Variants in TTBK2 observed in about 807,000 individuals in gnomAD.
TTBK2 encodes the protein tau-tubulin kinase 2.
Under a neutral mutation model 110.8 loss-of-function variants are expected in TTBK2, and 28 were observed. The observed-to-expected ratio is 0.25, with a 90% CI of 0.19 to 0.35. The LOEUF (loss-of-function observed/expected upper bound fraction) is 0.35, where lower values mean the gene tolerates loss of function less well. Among genes scored for constraint, TTBK2 ranks in the 10% least tolerant of loss-of-function variants. TTBK2 has a pLI of 1.00. For missense variants in TTBK2, 1,369 were observed against 1,500.3 expected (o/e 0.91, Z 1.45); for synonymous variants, 532 against 527.3 (o/e 1.01, Z -0.12).
intron 3 of TTBK2, among the ~76,000 whole-genome samples, chr15:42,866,041 A>G (rs7181859): frequency 0.24 from 36,298 of 152,110 alleles, 5,135 homozygotes; most frequent in African/African-American, 0.39. Context: ...AATAAAGTAA[A>G]TGGATGTAAA....
intron 4 of TTBK2, among the ~76,000 whole-genome samples, chr15:42,833,318 C>T (rs1892845575): frequency 1.4e-5 from 2 of 144,876 alleles, no homozygotes; most frequent in African/African-American, 2.5e-5. Flanking sequence ...GAAGCAAGTT[C>T]ATTTCTCTAT....
At chr15:42,919,801 G>C in intron 1 of TTBK2, 1 of 985,364 alleles carries the variant, frequency 1.0e-6, no homozygotes, top group Non-Finnish European at 1.2e-6. Context: ...CTTCGCTGTA[G>C]AATAAAGTAT....
chr15:42,898,394 A>T (rs1895753462), intron 1 of TTBK2, among the ~76,000 whole-genome samples: 1 of 151,994 alleles, frequency 6.6e-6, no homozygotes, highest in South Asian at 2.1e-4. Context: ...AAAATACAAA[A>T]AATAGCCAGT....
chr15:42,822,619 T>G (rs1300392636), intron 6 of TTBK2, among the ~76,000 whole-genome samples: 1 of 152,004 alleles, frequency 6.6e-6, no homozygotes, highest in Non-Finnish European at 1.5e-5. Context: ...GAAAAATAGG[T>G]TGAAGTCAGA....
chr15:42,807,304 A>G (rs1453594169), intron 9 of TTBK2, among the ~76,000 whole-genome samples: 1 of 152,146 alleles, frequency 6.6e-6, no homozygotes, highest in Non-Finnish European at 1.5e-5. Context: ...AACGGTGTGT[A>G]TATTTATGGA....
chr15:42,826,183 TTAG>T (rs1210659083), intron 6 of TTBK2, among the ~76,000 whole-genome samples: 1 of 152,140 alleles, frequency 6.6e-6, no homozygotes, highest in East Asian at 1.9e-4. Flanking sequence ...TGATTTTACA[TTAG>T]TAGAATATGA....
At chr15:42,840,226 A>G (rs2141014711) in intron 4 of TTBK2, 134 bp downstream of exon 4, 6 of 829,436 alleles carry the variant, frequency 7.2e-6, no homozygotes, top group Non-Finnish European at 1.2e-5. Context: ...CTGTTTAAAT[A>G]CAGTTCCATC....
In TTBK2 at chr15:42,745,117, T is replaced by C. The variant is rs78237254; in HGVS notation, c.*678A>G. 0.025 allele frequency: 3,749 copies of C among 152,576 alleles called. 163 individuals carry two copies. Among genetic ancestry groups the C allele is most frequent in the African/African-American group, 0.087 (3,567 of 40,996 alleles). 9.5% of individuals were successfully genotyped at this position (152,576 alleles called of 1,614,324 possible). A position where few individuals can be genotyped will look rare whatever the true frequency, so the allele number is the denominator to read the frequency against. The stretch of plus-strand genomic sequence containing the variant: ...GAACTCTTGCTCTAAAAAAAAAAAA[T>C]CAGGGGGACCTAAAAAAAAGTAATT... On this transcript the variant is annotated 3_prime_UTR_variant, in exon 15 of 15. Coordinates refer to ENST00000267890, the MANE Select transcript of TTBK2 (RefSeq NM_173500.4).
Position 42,839,570 on chromosome 15 carries a change from G to T in TTBK2, c.291+790C>A, listed in dbSNP as rs945196436. ...ACTAATTTATATTCCCACCAGCAGT[G>T]TATAAGTGTTTCCTTTTCACCACCA... On this transcript the variant is annotated intron_variant, in intron 4 of 14. Coordinates refer to ENST00000267890, the MANE Select transcript of TTBK2 (RefSeq NM_173500.4). Among the ~76,000 whole-genome samples the T allele has an allele frequency of 1.3e-5, 2 of 152,304 alleles. 1 individual carries two copies. The highest frequency in any genetic ancestry group is 1.3e-4 in the Admixed American group (2 of 15,298).
At chr15:42,771,893 A>T (rs1389515413) in intron 13 of TTBK2, among the ~76,000 whole-genome samples, 6 of 152,142 alleles carry the variant, frequency 3.9e-5, no homozygotes, top group African/African-American at 1.4e-4. Flanking sequence ...CTGACTCTTC[A>T]TGGATTCTCC....
intron 13 of TTBK2, among the ~76,000 whole-genome samples, chr15:42,763,851 A>C (rs1889227090): frequency 6.6e-6 from 1 of 152,178 alleles, no homozygotes; most frequent in Non-Finnish European, 1.5e-5. Context: ...TGAAAAGTAA[A>C]AGCTGCTTTT....
chr15:42,805,934 T>A (rs542081755), intron 9 of TTBK2, among the ~76,000 whole-genome samples: 9 of 152,348 alleles, frequency 5.9e-5, no homozygotes, highest in African/African-American at 1.9e-4. Flanking sequence ...ACTTGACTAA[T>A]GTATTATATG....
chr15:42,894,918 T>C (rs920070865), intron 1 of TTBK2, among the ~76,000 whole-genome samples: 10 of 152,228 alleles, frequency 6.6e-5, no homozygotes, highest in African/African-American at 2.4e-4. Context: ...TATTCAAAAA[T>C]CAATTCATGC....
In TTBK2 at chr15:42,834,195, A is replaced by AGGG. The variant is rs1187116010; in HGVS notation, c.292-4118_292-4117insCCC. On this transcript the variant is annotated intron_variant, in intron 4 of 14. Coordinates refer to ENST00000267890, the MANE Select transcript of TTBK2 (RefSeq NM_173500.4). ...CAAGACCCCATCTCAAAAAAAAAAA[A>AGGG]AGGGGGGGGGTGTATAAAAGGAAAG... Among the ~76,000 whole-genome samples the AGGG allele has an allele frequency of 2.0e-3, 239 of 119,182 alleles. 4 individuals carry two copies. The highest frequency in any genetic ancestry group is 8.9e-3 in the African/African-American group (222 of 24,818). The allele number at this position is 119,182 out of a possible 152,430, so 78.2% of individuals were successfully genotyped here. A position where few individuals can be genotyped will look rare whatever the true frequency, so the allele number is the denominator to read the frequency against.
chr15:42,851,038 A>C (rs1893687412), intron 3 of TTBK2, among the ~76,000 whole-genome samples: 1 of 151,872 alleles, frequency 6.6e-6, no homozygotes, highest in South Asian at 2.1e-4. Flanking sequence ...ATCCTGGCTA[A>C]CACAGTGAGA....
intron 14 of TTBK2, among the ~76,000 whole-genome samples, chr15:42,749,598 G>A (rs993959889): frequency 2.0e-5 from 3 of 152,150 alleles, no homozygotes; most frequent in African/African-American, 7.2e-5. Flanking sequence ...TGCTGCTTCT[G>A]ATCACAGAAG....
chr15:42,822,655 T>C (rs1007445640), intron 6 of TTBK2, among the ~76,000 whole-genome samples: 3 of 152,154 alleles, frequency 2.0e-5, no homozygotes, highest in African/African-American at 7.2e-5. Context: ...AATGTCAAAT[T>C]AAGGTCTTCT....
chr15:42,828,551 T>TA (rs376055381), intron 5 of TTBK2, among the ~76,000 whole-genome samples: 13,840 of 140,988 alleles, frequency 0.098, 860 homozygotes, highest in Admixed American at 0.22. Context: ...CCGTTTCTAC[T>TA]AAAAAAAAAA....
At chr15:42,783,115 G>C (rs1222375168) in intron 11 of TTBK2, among the ~76,000 whole-genome samples, 1 of 152,182 alleles carries the variant, frequency 6.6e-6, no homozygotes, top group Non-Finnish European at 1.5e-5. Context: ...GCTATAGTCT[G>C]AATGTTTGTG....
Sources: allele counts gnomAD v4.1 joint callset (sites outside exome capture counted in the v4.1 genomes callset), GRCh38; gene constraint gnomAD v4.1.1; transcripts MANE v1.5; gene names NCBI Gene and HGNC (gene_info 2026-07-23, HGNC 2026-07-21).